Variants in EYS observed in about 807,000 individuals in gnomAD.
EYS encodes the protein protein eyes shut homolog.
A neutral mutation model predicts 282.1 loss-of-function variants in EYS; 250 were observed. The observed-to-expected ratio is 0.89, with a 90% confidence interval of 0.80 to 0.98. The LOEUF is 0.98. Among genes scored for constraint, EYS ranks in the 50% least tolerant of loss-of-function variants. The pLI is 0.00. For missense variants in EYS, 4,016 were observed against 3,709.0 expected (o/e 1.08, Z -2.15); for synonymous variants, 1,355 against 1,282.9 (o/e 1.06, Z -1.20).
At chr6:64,566,575 A>G (rs1026111226) in intron 26 of EYS, among the ~76,000 whole-genome samples, 1 of 152,174 alleles carries the variant, frequency 6.6e-6, no homozygotes, top group South Asian at 2.1e-4. Flanking sequence ...CTACACATTT[A>G]TCTAATATTT....
intron 13 of EYS, among the ~76,000 whole-genome samples, chr6:65,014,335 T>G (rs2150134950): frequency 6.6e-6 from 1 of 152,314 alleles, no homozygotes; most frequent in Middle Eastern, 3.4e-3. Context: ...CACAGATTTT[T>G]GACTTGCAGA....
At chr6:65,294,242 C>T (rs959839016) in intron 12 of EYS, among the ~76,000 whole-genome samples, 1 of 150,164 alleles carries the variant, frequency 6.7e-6, no homozygotes, top group South Asian at 2.1e-4. Context: ...CTCTGCATCC[C>T]TGGGAAAGTT....
Position 64,590,717 on chromosome 6 carries a change from A to C in EYS, c.5150T>G (p.Leu1717Arg). The C allele has an allele frequency of 6.4e-7, 1 of 1,551,122 alleles. No homozygotes were observed. Among genetic ancestry groups the C allele is most frequent in the Non-Finnish European group, 8.7e-7 (1 of 1,146,556 alleles). Residue 1717 changes from leucine to arginine, a missense_variant, in exon 26 of 43, where the codon CTA (leucine) becomes CGA (arginine). By Grantham distance (102) the Leu-to-Arg change is moderately radical. Transcript: ENST00000503581. ...CATGTCCAATAAGCTCTCTTGATTT[A>C]GTACCTCAGTGGGTCCCATAGTTAT... is the stretch of plus-strand genomic sequence containing the variant. Reference protein sequence around the residue: ...YGITMGPTEVLNQESLLDMEK... With the variant: ...YGITMGPTEVRNQESLLDMEK...
intron 14 of EYS, among the ~76,000 whole-genome samples, chr6:64,953,727 A>G (rs1769592520): frequency 6.6e-6 from 1 of 151,826 alleles, no homozygotes; most frequent in Non-Finnish European, 1.5e-5. Flanking sequence ...ATAAAAAGTT[A>G]CAAACACTGA....
At chr6:65,176,904 A>C in intron 12 of EYS, among the ~76,000 whole-genome samples, 1 of 151,852 alleles carries the variant, frequency 6.6e-6, no homozygotes. Flanking sequence ...AATCCTTCAT[A>C]ATTGTGAAAT....
intron 12 of EYS, among the ~76,000 whole-genome samples, chr6:65,281,518 A>C (rs990330589): frequency 1.3e-5 from 2 of 152,290 alleles, no homozygotes; most frequent in Admixed American, 6.5e-5. Context: ...TTTCAGAAAG[A>C]TCACTCTCAG....
intron 14 of EYS, among the ~76,000 whole-genome samples, chr6:64,980,103 T>G (rs1365745344): frequency 6.6e-6 from 1 of 151,518 alleles, no homozygotes; most frequent in Non-Finnish European, 1.5e-5. Context: ...AGAAATACAG[T>G]AAGACTTTCT....
intron 2 of EYS, among the ~76,000 whole-genome samples, chr6:65,557,595 G>A (rs1768866622): frequency 6.6e-6 from 1 of 152,136 alleles, no homozygotes; most frequent in East Asian, 1.9e-4. Flanking sequence ...TCTGAGGTCT[G>A]GGCTCCCAGA....
In EYS at chr6:64,412,353, CCAAA is replaced by C. The variant is rs1773928826; in HGVS notation, c.5928-23517_5928-23514del. Among the ~76,000 whole-genome samples, 3 of 151,908 alleles carry C rather than the reference CCAAA, an allele frequency of 2.0e-5. No homozygotes were observed. In the South Asian group the frequency reaches 6.2e-4, roughly 32 times the overall value. Reference sequence around the variant, plus strand: ...AATAGCCTATTTAAAACAATTGTTCCCAAACAAATAATGAAGAATGAGGACTCAG... The same window carrying C: ...AATAGCCTATTTAAAACAATTGTTCCCAAATAATGAAGAATGAGGACTCAG... On this transcript the variant is annotated intron_variant, in intron 28 of 42. Transcript: ENST00000503581.
At chr6:65,149,515 T>C (rs1012708012) in intron 12 of EYS, among the ~76,000 whole-genome samples, 1 of 152,076 alleles carries the variant, frequency 6.6e-6, no homozygotes, top group African/African-American at 2.4e-5. Flanking sequence ...AGTTTCTGTC[T>C]TCTTCTGAGC....
chr6:65,179,858 A>G (rs1765328282), intron 12 of EYS, among the ~76,000 whole-genome samples: 1 of 152,050 alleles, frequency 6.6e-6, no homozygotes, highest in Non-Finnish European at 1.5e-5. Flanking sequence ...CTTATCCACC[A>G]TGATCAAGTG....
intron 2 of EYS, among the ~76,000 whole-genome samples, chr6:65,562,298 A>G (rs1421460781): frequency 1.3e-5 from 2 of 152,076 alleles, no homozygotes; most frequent in Non-Finnish European, 2.9e-5. Context: ...GCTTAATAAT[A>G]AAACATATAG....
At chr6:64,235,637 T>C (rs1766577167) in intron 30 of EYS, among the ~76,000 whole-genome samples, 1 of 152,198 alleles carries the variant, frequency 6.6e-6, no homozygotes, top group Non-Finnish European at 1.5e-5. Context: ...ATGGTATTTC[T>C]GGTTCTAGAT....
At chr6:65,332,459 A>G in intron 11 of EYS, 1 of 1,363,236 alleles carries the variant, frequency 7.3e-7, no homozygotes, top group Non-Finnish European at 1.0e-6. Flanking sequence ...TAGCTAACTT[A>G]AGGCCTAATA....
intron 13 of EYS, among the ~76,000 whole-genome samples, chr6:65,038,959 A>G (rs4507564): frequency 6.6e-6 from 1 of 151,132 alleles, no homozygotes; most frequent in Non-Finnish European, 1.5e-5. Flanking sequence ...TGTGTTTGTA[A>G]GTATTTTCTC....
At chr6:65,095,257 G>A (rs1774706404) in intron 12 of EYS, among the ~76,000 whole-genome samples, 1 of 151,236 alleles carries the variant, frequency 6.6e-6, no homozygotes, top group Admixed American at 6.6e-5. Context: ...AGAGGCCGTA[G>A]TATTGGGGGA....
chr6:64,022,251 A>G (rs1362687748), intron 33 of EYS, among the ~76,000 whole-genome samples: 1 of 152,148 alleles, frequency 6.6e-6, no homozygotes, highest in Non-Finnish European at 1.5e-5. Context: ...ATAATTTTAA[A>G]AGTTTTTCTC....
intron 19 of EYS, among the ~76,000 whole-genome samples, chr6:64,840,065 T>C (rs2812790): frequency 0.56 from 84,488 of 151,902 alleles, 24,238 homozygotes; most frequent in Non-Finnish European, 0.62. Flanking sequence ...TAGCACTACA[T>C]AGTTGTGGTT....
At chr6:63,765,124 G>C (rs1003610556) in intron 40 of EYS, among the ~76,000 whole-genome samples, 3 of 151,934 alleles carry the variant, frequency 2.0e-5, no homozygotes, top group Admixed American at 6.6e-5. Context: ...CAAAACAGAG[G>C]TAGGTATCTA....
Sources: allele counts gnomAD v4.1 joint callset (sites outside exome capture counted in the v4.1 genomes callset), GRCh38; gene constraint gnomAD v4.1.1; transcripts MANE v1.5; gene names NCBI Gene and HGNC (gene_info 2026-07-23, HGNC 2026-07-21).